The following GLDC variants were observed in gnomAD, a reference collection of about 807,000 sequenced individuals.
GLDC encodes the protein glycine decarboxylase.
A neutral mutation model predicts 121.3 loss-of-function variants in GLDC; 104 were observed. That is an observed-to-expected ratio of 0.86 (90% CI 0.73 to 1.01). GLDC has a LOEUF of 1.01. Ranked by LOEUF, GLDC falls within the 50% of genes least tolerant of loss-of-function variation. The pLI, the probability that GLDC is intolerant of heterozygous loss-of-function variation, is 0.00. For missense variants in GLDC, 1,429 were observed against 1,306.6 expected, an observed-to-expected ratio of 1.09 and a Z score of -1.44; for synonymous variants, 546 against 480.6, an observed-to-expected ratio of 1.14 and a Z score of -1.78.
intron 20 of GLDC, 94 bp downstream of exon 20, chr9:6,553,274 T>G: frequency 9.0e-7 from 1 of 1,108,060 alleles, no homozygotes; most frequent in Admixed American, 1.9e-5. Context: ...ATGAATTTAT[T>G]TGTTTTTAAG....
intron 2 of GLDC, among the ~76,000 whole-genome samples, chr9:6,626,309 C>T (rs1819236254): frequency 6.6e-6 from 1 of 152,152 alleles, no homozygotes; most frequent in South Asian, 2.1e-4. Flanking sequence ...TGGGGCACCA[C>T]CCCAGTCCTG....
At chr9:6,561,399 A>G (rs943075497) in intron 16 of GLDC, among the ~76,000 whole-genome samples, 1 of 152,210 alleles carries the variant, frequency 6.6e-6, no homozygotes, top group Non-Finnish European at 1.5e-5. Flanking sequence ...CTGTAATCCC[A>G]GCACTTTGGG....
chr9:6,624,880 T>C (rs1009511820), intron 2 of GLDC, among the ~76,000 whole-genome samples: 1 of 151,788 alleles, frequency 6.6e-6, no homozygotes, highest in Non-Finnish European at 1.5e-5. Context: ...CCCAGCTACT[T>C]GGGAGGCTGA....
chr9:6,595,871 G>C (rs1818484574), intron 8 of GLDC, among the ~76,000 whole-genome samples: 1 of 152,138 alleles, frequency 6.6e-6, no homozygotes, highest in Non-Finnish European at 1.5e-5. Context: ...CATTTTGTTA[G>C]GTACATCTTT....
chr9:6,554,001 C>G (rs75815725), intron 19 of GLDC, among the ~76,000 whole-genome samples: 1 of 151,508 alleles, frequency 6.6e-6, no homozygotes, highest in Non-Finnish European at 1.5e-5. Context: ...AAAAAAAAAA[C>G]AAGAAAGAAG....
intron 2 of GLDC, among the ~76,000 whole-genome samples, chr9:6,624,851 G>C (rs1471712632): frequency 6.6e-6 from 1 of 152,080 alleles, no homozygotes; most frequent in East Asian, 1.9e-4. Context: ...AGCTGGGCCT[G>C]GTGGCATGTG....
At chr9:6,593,042 G>A in intron 9 of GLDC, 52 bp from the exon 10 acceptor site, 1 of 1,582,024 alleles carries the variant, frequency 6.3e-7, no homozygotes, top group Non-Finnish European at 8.7e-7. Flanking sequence ...CTGCTCCTCA[G>A]CCATTGACAT....
At chr9:6,553,255 T>A (rs183082572) in intron 20 of GLDC, 113 bp downstream of exon 20, 2 of 939,756 alleles carry the variant, frequency 2.1e-6, no homozygotes, top group African/African-American at 1.6e-5. Context: ...TTGAACCACA[T>A]CTCAGATCAT....
At chr9:6,562,329 A>G (rs933089648) in intron 16 of GLDC, among the ~76,000 whole-genome samples, 2 of 152,226 alleles carry the variant, frequency 1.3e-5, no homozygotes, top group Non-Finnish European at 2.9e-5. Context: ...GCAGCTTGAA[A>G]GAAAAGACCC....
At chr9:6,545,224 T>C (rs1423093312) in intron 21 of GLDC, among the ~76,000 whole-genome samples, 2 of 152,244 alleles carry the variant, frequency 1.3e-5, no homozygotes, top group Non-Finnish European at 2.9e-5. Context: ...CATTGTGAGA[T>C]GACTTTGTCA....
intron 3 of GLDC, among the ~76,000 whole-genome samples, chr9:6,616,583 G>A (rs1364383226): frequency 2.0e-5 from 3 of 152,118 alleles, no homozygotes; most frequent in Non-Finnish European, 4.4e-5. Flanking sequence ...CAAAAGGCCT[G>A]CCATCATGTT....
intron 15 of GLDC, among the ~76,000 whole-genome samples, chr9:6,573,547 A>G (rs569109329): frequency 6.6e-6 from 1 of 152,094 alleles, no homozygotes; most frequent in East Asian, 1.9e-4. Context: ...AAGCAAAAGA[A>G]GAAGAAAAAA....
chr9:6,579,791 T>C (rs147325806), intron 15 of GLDC, among the ~76,000 whole-genome samples: 55 of 152,360 alleles, frequency 3.6e-4, no homozygotes, highest in African/African-American at 1.3e-3. Flanking sequence ...CCTATAACGC[T>C]GGCTGCCCGG....
rs559152179 is a variant in GLDC at position 6,585,852 on chromosome 9, G to A, written c.1850+1289C>T. 4.8e-4 allele frequency among the ~76,000 whole-genome samples: 48 copies of A among 99,324 alleles called. 1 individual carries two copies. Among genetic ancestry groups the A allele is most frequent in the Non-Finnish European group, 6.8e-5 (3 of 44,430 alleles). 65.2% of individuals were successfully genotyped at this position (99,324 alleles called of 152,430 possible). On this transcript the variant is annotated intron_variant, in intron 15 of 24. Transcript: ENST00000321612. The stretch of plus-strand genomic sequence containing the variant: ...TTCATCTATGTATGTATGTATGTAT[G>A]TATGTATGTATGTATGTATCTATCT...
intron 23 of GLDC, among the ~76,000 whole-genome samples, chr9:6,535,253 C>T (rs1817100186): frequency 6.6e-6 from 1 of 151,936 alleles, no homozygotes; most frequent in Admixed American, 6.6e-5. Context: ...CTATTATGCT[C>T]TTTGAAATGT....
At chr9:6,541,754 A>T (rs1354679490) in intron 21 of GLDC, 1 of 136,488 alleles carries the variant, frequency 7.3e-6, no homozygotes, top group Non-Finnish European at 1.5e-5. Flanking sequence ...TTGAACCTGG[A>T]AGGTGGTGGT....
intron 20 of GLDC, among the ~76,000 whole-genome samples, chr9:6,552,955 G>A (rs1023838852): frequency 2.6e-5 from 4 of 151,382 alleles, no homozygotes; most frequent in African/African-American, 7.3e-5. Context: ...ATATAGCAAA[G>A]TGAGATATAT....
intron 21 of GLDC, among the ~76,000 whole-genome samples, chr9:6,550,278 A>C (rs1563833109): frequency 1.3e-5 from 2 of 152,238 alleles, no homozygotes; most frequent in Non-Finnish European, 2.9e-5. Flanking sequence ...GCTGCTGTGT[A>C]GACTAGGAGC....
chr9:6,566,989 T>C (rs1282912517), intron 15 of GLDC, among the ~76,000 whole-genome samples: 1 of 152,168 alleles, frequency 6.6e-6, no homozygotes, highest in Non-Finnish European at 1.5e-5. Flanking sequence ...CTCCCAGAGC[T>C]ACGGGCTCCC....
Sources: allele counts gnomAD v4.1 joint callset (sites outside exome capture counted in the v4.1 genomes callset), GRCh38; gene constraint gnomAD v4.1.1; transcripts MANE v1.5; gene names NCBI Gene and HGNC (gene_info 2026-07-23, HGNC 2026-07-21).